TNRC6B: variants seen among roughly 807,000 people sequenced by gnomAD.
The protein encoded by TNRC6B is trinucleotide repeat containing adaptor 6B.
A neutral mutation model predicts 203.6 loss-of-function variants in TNRC6B; 52 were observed. The observed-to-expected ratio is 0.26, with a 90% CI of 0.20 to 0.32. The LOEUF (loss-of-function observed/expected upper bound fraction) is 0.32, where lower values mean the gene tolerates loss of function less well. TNRC6B is among the 10% of genes least tolerant of loss of function. The pLI, the probability that TNRC6B is intolerant of heterozygous loss-of-function variation, is 1.00. For missense variants in TNRC6B, 1,923 were observed against 2,286.2 expected, an observed-to-expected ratio of 0.84 and a Z score of 3.24; for synonymous variants, 838 against 845.7, an observed-to-expected ratio of 0.99 and a Z score of 0.16.
At chr22:40,145,081 A>AAAAT (rs1420384556) in intron 3 of TNRC6B, among the ~76,000 whole-genome samples, 12 of 151,658 alleles carry the variant, frequency 7.9e-5, no homozygotes, top group African/African-American at 2.9e-4. Flanking sequence ...AAAAAAAAAA[A>AAAAT]AAAAAATTTT....
intron 4 of TNRC6B, among the ~76,000 whole-genome samples, chr22:40,262,638 T>C (rs1295248379): frequency 6.6e-6 from 1 of 152,220 alleles, no homozygotes; most frequent in African/African-American, 2.4e-5. Flanking sequence ...GTTTTTAAAT[T>C]AGATTTTTAA....
intron 1 of TNRC6B, among the ~76,000 whole-genome samples, chr22:40,112,481 A>G (rs1345746228): frequency 6.6e-6 from 1 of 152,200 alleles, no homozygotes; most frequent in African/African-American, 2.4e-5. Flanking sequence ...TGCAGACCCA[A>G]GGGAACAGGA....
chr22:40,288,739 C>T (rs1371696765), intron 12 of TNRC6B, among the ~76,000 whole-genome samples: 2 of 151,636 alleles, frequency 1.3e-5, no homozygotes, highest in Non-Finnish European at 2.9e-5. Context: ...GACGGCATTT[C>T]ACTATGTTGG....
At chr22:40,183,456 G>T (rs768710966) in intron 1 of TNRC6B, among the ~76,000 whole-genome samples, 1 of 152,076 alleles carries the variant, frequency 6.6e-6, no homozygotes, top group South Asian at 2.1e-4. Context: ...GTCTGATGTC[G>T]TCTCTTCATA....
chr22:40,171,702 A>G (rs1191388603), intron 4 of TNRC6B, among the ~76,000 whole-genome samples: 1 of 152,130 alleles, frequency 6.6e-6, no homozygotes, highest in Non-Finnish European at 1.5e-5. Flanking sequence ...GTGACTTTCC[A>G]CTATTCCAAA....
At chr22:40,089,595 A>G (rs1397274021) in intron 1 of TNRC6B, among the ~76,000 whole-genome samples, 2 of 151,906 alleles carry the variant, frequency 1.3e-5, no homozygotes, top group African/African-American at 4.8e-5. Flanking sequence ...GAAAGTATAG[A>G]GTTATCATAT....
At chr22:40,288,414 T>A (rs1430891198) in intron 12 of TNRC6B, among the ~76,000 whole-genome samples, 1 of 152,116 alleles carries the variant, frequency 6.6e-6, no homozygotes, top group Non-Finnish European at 1.5e-5. Context: ...AAATTTAAGG[T>A]TTAGAAGATG....
At chr22:40,079,582 TA>T (rs1209793655) in intron 1 of TNRC6B, among the ~76,000 whole-genome samples, 4 of 151,190 alleles carry the variant, frequency 2.6e-5, no homozygotes, top group Non-Finnish European at 4.4e-5. Context: ...TATATATATA[TA>T]TTTTTTATGA....
At chr22:40,153,210 T>G (rs970303154) in intron 3 of TNRC6B, among the ~76,000 whole-genome samples, 6 of 152,198 alleles carry the variant, frequency 3.9e-5, no homozygotes, top group Admixed American at 3.9e-4. Context: ...TCTATATACC[T>G]TTTATCAGGA....
intron 15 of TNRC6B, among the ~76,000 whole-genome samples, chr22:40,307,254 A>G (rs995424442): frequency 2.6e-5 from 4 of 152,076 alleles, no homozygotes; most frequent in Admixed American, 2.0e-4. Context: ...CCTTAGTGGG[A>G]TTTGGAGAGA....
At chr22:40,101,748 C>T (rs2068242989) in intron 1 of TNRC6B, among the ~76,000 whole-genome samples, 1 of 152,180 alleles carries the variant, frequency 6.6e-6, no homozygotes, top group Non-Finnish European at 1.5e-5. Context: ...ACCAGATTTA[C>T]TCTTTGGAAA....
At chr22:40,169,362 C>G (rs1330898994) in intron 4 of TNRC6B, among the ~76,000 whole-genome samples, 1 of 151,912 alleles carries the variant, frequency 6.6e-6, no homozygotes. Flanking sequence ...AATCTTCTGA[C>G]CTCATGATCC....
chr22:40,067,707 G>A (rs1601795344), intron 1 of TNRC6B, among the ~76,000 whole-genome samples: 1 of 152,112 alleles, frequency 6.6e-6, no homozygotes, highest in African/African-American at 2.4e-5. Flanking sequence ...AGGAGGAGGA[G>A]GGAATCCCAT....
chr22:40,199,907 A>G (rs1332786284), intron 1 of TNRC6B, among the ~76,000 whole-genome samples: 1 of 151,956 alleles, frequency 6.6e-6, no homozygotes, highest in Non-Finnish European at 1.5e-5. Flanking sequence ...AACGATTCTC[A>G]TGATGCCTCA....
chr22:40,322,707 T>C (rs895567238), intron 22 of TNRC6B, 147 bp from the exon 23 acceptor site: 2 of 911,562 alleles, frequency 2.2e-6, no homozygotes, highest in African/African-American at 3.3e-5. Flanking sequence ...GGGTGGAGCT[T>C]GGACTTTGCA....
At chr22:40,185,471 A>G (rs2069188733) in intron 1 of TNRC6B, among the ~76,000 whole-genome samples, 1 of 152,212 alleles carries the variant, frequency 6.6e-6, no homozygotes, top group African/African-American at 2.4e-5. Context: ...GAGGGAGGAG[A>G]GACACTGATT....
intron 1 of TNRC6B, among the ~76,000 whole-genome samples, chr22:40,069,088 A>G (rs1442451432): frequency 6.6e-6 from 1 of 152,076 alleles, no homozygotes; most frequent in East Asian, 1.9e-4. Flanking sequence ...GGACCTAGCC[A>G]CAAATTTGCT....
At chr22:40,108,831 AG>A (rs1390939989) in intron 1 of TNRC6B, among the ~76,000 whole-genome samples, 1 of 152,224 alleles carries the variant, frequency 6.6e-6, no homozygotes, top group Non-Finnish European at 1.5e-5. Context: ...TTTGTTACAT[AG>A]GTAAACATGT....
intron 15 of TNRC6B, among the ~76,000 whole-genome samples, chr22:40,303,344 A>G (rs1051584978): frequency 6.6e-6 from 1 of 151,952 alleles, no homozygotes; most frequent in Non-Finnish European, 1.5e-5. Context: ...CTTACTTCTA[A>G]TGGCTAAAGG....
Sources: allele counts gnomAD v4.1 joint callset (sites outside exome capture counted in the v4.1 genomes callset), GRCh38; gene constraint gnomAD v4.1.1; transcripts MANE v1.5; gene names NCBI Gene and HGNC (gene_info 2026-07-23, HGNC 2026-07-21).